RAB3D: variants seen among roughly 807,000 people sequenced by gnomAD.
The protein encoded by RAB3D is RAB3D, member RAS oncogene family, also known as ras-related protein Rab-3D.
A neutral mutation model predicts 19.3 loss-of-function variants in RAB3D; 17 were observed. The ratio of observed to expected loss-of-function variants is 0.88; its 90% CI spans 0.60 to 1.32. The LOEUF is 1.32. Among genes scored for constraint, RAB3D ranks in the 40% most tolerant of loss-of-function variants. RAB3D has a pLI of 0.00. For synonymous variants in RAB3D, 103 were observed against 119.9 expected, an observed-to-expected ratio of 0.86 and a Z score of 0.92; for missense variants, 223 against 299.1, an observed-to-expected ratio of 0.75 and a Z score of 1.88.
chr19:11,330,573 G>A (rs912338171), intron 4 of RAB3D, among the ~76,000 whole-genome samples: 7 of 151,884 alleles, frequency 4.6e-5, no homozygotes, highest in Admixed American at 1.3e-4. Flanking sequence ...TTTTTGAGAC[G>A]GAGTCTCGCT....
intron 1 of RAB3D, among the ~76,000 whole-genome samples, chr19:11,338,295 C>T (rs1966917018): frequency 6.6e-6 from 1 of 152,228 alleles, no homozygotes; most frequent in East Asian, 1.9e-4. Context: ...GGGTAAGGGG[C>T]TCTGGCCCCT....
chr19:11,329,502 G>A (rs1056165288), intron 4 of RAB3D, among the ~76,000 whole-genome samples: 1 of 151,752 alleles, frequency 6.6e-6, no homozygotes, highest in Non-Finnish European at 1.5e-5. Context: ...AGCTGTTCGG[G>A]AGGCTGAGGC....
chr19:11,333,434 G>T (rs2080841933), intron 4 of RAB3D, among the ~76,000 whole-genome samples: 1 of 152,034 alleles, frequency 6.6e-6, no homozygotes, highest in Admixed American at 6.6e-5. Flanking sequence ...TGCAGGAAAG[G>T]GTATATACAG....
At chr19:11,330,592 C>T (rs752121842) in intron 4 of RAB3D, among the ~76,000 whole-genome samples, 65 of 152,278 alleles carry the variant, frequency 4.3e-4, no homozygotes, top group Non-Finnish European at 8.8e-4. Flanking sequence ...CTCTCTTGCC[C>T]AGGCTGGAGT....
intron 4 of RAB3D, among the ~76,000 whole-genome samples, chr19:11,328,434 G>A (rs1875413612): frequency 1.3e-5 from 2 of 151,412 alleles, no homozygotes; most frequent in African/African-American, 2.4e-5. Context: ...GGCGGATCAC[G>A]AGGTCAGGAG....
At chr19:11,334,515 G>T (rs1000886506) in intron 4 of RAB3D, among the ~76,000 whole-genome samples, 2 of 151,860 alleles carry the variant, frequency 1.3e-5, no homozygotes, top group African/African-American at 4.8e-5. Flanking sequence ...TTGGGCTGGT[G>T]TGGTGGCTCA....
chr19:11,334,794 G>A (rs763325542), intron 4 of RAB3D, among the ~76,000 whole-genome samples: 10 of 152,170 alleles, frequency 6.6e-5, no homozygotes, highest in South Asian at 2.1e-4. Flanking sequence ...CATGTGGCAC[G>A]CGCCAGTAGT....
Position 11,324,905 on chromosome 19 carries a change from C to A in RAB3D, c.*493G>T, listed in dbSNP as rs1041858435. 6 of 152,796 alleles carry A rather than the reference C, an allele frequency of 3.9e-5. No individual in the cohort carries two copies. Among genetic ancestry groups the A allele is most frequent in the African/African-American group, 1.4e-4 (6 of 41,416 alleles). 9.5% of individuals were successfully genotyped at this position (152,796 alleles called of 1,614,324 possible). On this transcript the variant is annotated 3_prime_UTR_variant, in exon 5 of 5. Transcript: ENST00000222120. ...AAGTTCGTGGGGGCAGGCTCAGAGA[C>A]CAGCCTGCAGGACCTGAGAAAGAGG...
intron 4 of RAB3D, among the ~76,000 whole-genome samples, chr19:11,328,293 C>T (rs2080822784): frequency 7.4e-6 from 1 of 135,674 alleles, no homozygotes; most frequent in Non-Finnish European, 1.5e-5. Flanking sequence ...GAGATTGTGC[C>T]ATTGTACTCC....
Position 11,325,257 on chromosome 19 carries a change from A to G in RAB3D, c.*141T>C, listed in dbSNP as rs1012585221. ...GGCAGCCACGGCGACATTGTGAAGG[A>G]ATGAGCCATGCAGGAGTCGGGGAGC... On this transcript the variant is annotated 3_prime_UTR_variant, in exon 5 of 5. Transcript: ENST00000222120. The G allele has an allele frequency of 1.3e-5, 8 of 617,930 alleles. No homozygotes were observed. Among genetic ancestry groups the G allele is most frequent in the Admixed American group, 8.9e-5 (3 of 33,732 alleles). The allele number at this position is 617,930 out of a possible 1,614,324, so 38.3% of individuals were successfully genotyped here.
At chr19:11,337,731 C>A (rs1002970409) in intron 1 of RAB3D, among the ~76,000 whole-genome samples, 1 of 150,972 alleles carries the variant, frequency 6.6e-6, no homozygotes, top group Non-Finnish European at 1.5e-5. Flanking sequence ...AGCGCAGTGG[C>A]GTGATCATAG....
In RAB3D at chr19:11,337,191, C is replaced by T. The variant is rs1438746280; in HGVS notation, c.209G>A (p.Arg70Lys). The T allele has an allele frequency of 6.2e-7, 1 of 1,613,944 alleles. No homozygotes were observed. Among genetic ancestry groups the T allele is most frequent in the South Asian group, 1.1e-5 (1 of 91,080 alleles). Reference protein sequence around the residue: ...KVKTVYRHDKRIKLQIWDTAG... With the variant: ...KVKTVYRHDKKIKLQIWDTAG... ...GCCTACCCAGATCTGCAGCTTGATC[C>T]TCTTGTCATGGCGGTAGACGGTCTT... The change falls in exon 2 of 5, where the codon AGG (arginine) becomes AAG (lysine). Residue 70 changes from arginine to lysine, a missense_variant. By Grantham distance (26) the Arg-to-Lys change is conservative. Coordinates refer to ENST00000222120, the MANE Select transcript of RAB3D (RefSeq NM_004283.4).
chr19:11,322,589 A>C lies in RAB3D; in HGVS notation c.*2809T>G, dbSNP rs1434906157. The C allele has an allele frequency of 6.6e-6, 1 of 152,176 alleles. No homozygotes were observed. Among genetic ancestry groups the C allele is most frequent in the East Asian group, 1.9e-4 (1 of 5,198 alleles). 9.4% of individuals were successfully genotyped at this position (152,176 alleles called of 1,614,324 possible). On this transcript the variant is annotated 3_prime_UTR_variant, in exon 5 of 5. Transcript: ENST00000222120. ...CCCTGAGGTAATCTGCAAAAACATCAGTTTTCAGTCCCCAGAGACCATTTC... is the reference window on the plus strand; with the variant it reads ...CCCTGAGGTAATCTGCAAAAACATCCGTTTTCAGTCCCCAGAGACCATTTC...
At chr19:11,337,706 G>A (rs1966910263) in intron 1 of RAB3D, among the ~76,000 whole-genome samples, 1 of 146,498 alleles carries the variant, frequency 6.8e-6, no homozygotes, top group Admixed American at 6.9e-5. Context: ...ATCTCGCTCT[G>A]TTGCCTGAGG....
rs945823003 is a variant in RAB3D at position 11,333,138 on chromosome 19, G to C, written c.472+2309C>G. On this transcript the variant is annotated intron_variant, in intron 4 of 4. Transcript: ENST00000222120. ...TCTTCTACCCAGGCTGGAGTGTAGT[G>C]GCGTGATCTTGGCTCACTGCAAGTT... 5.7e-4 allele frequency among the ~76,000 whole-genome samples: 84 copies of C among 148,516 alleles called. 1 individual carries two copies. The highest frequency in any genetic ancestry group is 2.1e-3 in the African/African-American group (84 of 40,060).
At chr19:11,338,199 C>A (rs1433547782) in intron 1 of RAB3D, among the ~76,000 whole-genome samples, 1 of 152,194 alleles carries the variant, frequency 6.6e-6, no homozygotes, top group Non-Finnish European at 1.5e-5. Context: ...TGTGGCGTAA[C>A]TGAGTCTGTA....
At chr19:11,332,583 G>C (rs1350372121) in intron 4 of RAB3D, among the ~76,000 whole-genome samples, 2 of 152,114 alleles carry the variant, frequency 1.3e-5, no homozygotes, top group African/African-American at 4.8e-5. Context: ...GGGCTTCAGC[G>C]ATCTACCCAC....
chr19:11,335,627 G>A (rs1342908329), intron 3 of RAB3D, 38 bp downstream of exon 3: 1 of 1,613,858 alleles, frequency 6.2e-7, no homozygotes, highest in East Asian at 2.2e-5. Flanking sequence ...TCAGAGGAGA[G>A]GGCAAAGATC....
chr19:11,337,347 T>C lies in RAB3D; in HGVS notation c.53A>G (p.Asn18Ser). The C allele has an allele frequency of 1.2e-6, 2 of 1,614,186 alleles. No individual in the cohort carries two copies. Among genetic ancestry groups the C allele is most frequent in the Non-Finnish European group, 1.7e-6 (2 of 1,180,034 alleles). Residue 18 changes from asparagine to serine, a missense_variant, in exon 2 of 5, where the codon AAC (asparagine) becomes AGC (serine). Physicochemically the swap from Asn to Ser is conservative, Grantham distance 46. Transcript: ENST00000222120. ...TAGCAGTTTGAACATATAGTCGAAG[T>C]TCTGATCTGCTGCATCCCGTGGGCC... Reference protein sequence around the residue: ...QAGPRDAADQNFDYMFKLLLI... With the variant: ...QAGPRDAADQSFDYMFKLLLI...
Sources: gnomAD v4.1 joint callset for allele counts (sites outside exome capture counted in the v4.1 genomes callset) on GRCh38, gnomAD v4.1.1 for gene constraint, MANE v1.5 for transcripts, NCBI Gene and HGNC (gene_info 2026-07-23, HGNC 2026-07-21) for gene names.